The following CMTM4 variants were observed in gnomAD, a reference collection of about 807,000 sequenced individuals.
CMTM4 encodes the protein CKLF-like MARVEL transmembrane domain-containing protein 4.
In CMTM4, 8 loss-of-function variants were observed where a neutral mutation model predicts 19.0. That is an observed-to-expected ratio of 0.42 (90% CI 0.25 to 0.76). The LOEUF (loss-of-function observed/expected upper bound fraction) is 0.76, where lower values mean the gene tolerates loss of function less well. CMTM4 is among the 30% of genes least tolerant of loss of function. The pLI, the probability that CMTM4 is intolerant of heterozygous loss-of-function variation, is 0.27. For synonymous variants in CMTM4, 106 were observed against 121.1 expected (o/e 0.88, Z 0.82); for missense variants, 228 against 290.2 (o/e 0.79, Z 1.56).
intron 1 of CMTM4, among the ~76,000 whole-genome samples, chr16:66,684,583 C>G (rs536478798): frequency 1.3e-4 from 20 of 152,176 alleles, no homozygotes; most frequent in African/African-American, 4.3e-4. Flanking sequence ...AGGCCACACA[C>G]GAGAGGCACT....
intron 1 of CMTM4, among the ~76,000 whole-genome samples, chr16:66,685,269 C>T (rs973445910): frequency 2.0e-5 from 3 of 152,060 alleles, no homozygotes; most frequent in Non-Finnish European, 4.4e-5. Context: ...CAAAGGAATC[C>T]CATGTCATCC....
In CMTM4 at chr16:66,654,297, C is replaced by T. The variant is rs537884378; in HGVS notation, c.187-17716G>A. 3.0e-3 allele frequency among the ~76,000 whole-genome samples: 463 copies of T among 152,246 alleles called. 2 individuals are homozygous for T. Among genetic ancestry groups the T allele is most frequent in the Admixed American group, 7.8e-3 (119 of 15,284 alleles). ...GGGTTCAAATCTGGACCCCAGAACC[C>T]TCTACAGCACTAGGCACTAGTGATC... On this transcript the variant is annotated intron_variant, in intron 1 of 3. Coordinates refer to ENST00000394106, the MANE Select transcript of CMTM4 (RefSeq NM_181521.3).
downstream of CMTM4, chr16:66,609,793 G>C: frequency 1.2e-6 from 2 of 1,613,192 alleles, no homozygotes; most frequent in Non-Finnish European, 1.7e-6. The surrounding 1 kb of genome is among the most constrained non-coding windows in gnomAD (Gnocchi z 4.4). Flanking sequence ...GTTTGTCCAA[G>C]CAGATCTGAA....
downstream of CMTM4, among the ~76,000 whole-genome samples, chr16:66,611,545 T>A (rs2015377268): frequency 6.6e-6 from 1 of 152,048 alleles, no homozygotes; most frequent in African/African-American, 2.4e-5. Context: ...GGGACTAGGC[T>A]GCCCACACCC....
chr16:66,687,021 A>T (rs1360280679), intron 1 of CMTM4, among the ~76,000 whole-genome samples: 2 of 152,096 alleles, frequency 1.3e-5, no homozygotes, highest in African/African-American at 4.8e-5. Context: ...TCTAATTTCT[A>T]ATTTTCTTTA....
downstream of CMTM4, among the ~76,000 whole-genome samples, chr16:66,611,689 G>A (rs1248088042): frequency 6.6e-6 from 1 of 152,054 alleles, no homozygotes; most frequent in Non-Finnish European, 1.5e-5. Context: ...GGGGGTTAGT[G>A]ACTCTGGTGC....
At chr16:66,631,214 G>A (rs1164894559) in intron 2 of CMTM4, among the ~76,000 whole-genome samples, 6 of 130,960 alleles carry the variant, frequency 4.6e-5, no homozygotes, top group Non-Finnish European at 8.0e-5. Context: ...GAGGGAGGTG[G>A]GGGGTCAGCC....
intron 1 of CMTM4, among the ~76,000 whole-genome samples, chr16:66,651,747 T>A (rs967165264): frequency 6.6e-6 from 1 of 152,228 alleles, no homozygotes; most frequent in South Asian, 2.1e-4. Flanking sequence ...GATCTAGCTG[T>A]AGTAATATCT....
chr16:66,687,938 C>T (rs530930867), intron 1 of CMTM4, among the ~76,000 whole-genome samples: 1 of 152,188 alleles, frequency 6.6e-6, no homozygotes, highest in South Asian at 2.1e-4. Flanking sequence ...CTGCCCGCCT[C>T]GGCCTCCCAG....
Position 66,630,054 on chromosome 16 carries a change from G to A in CMTM4, c.363+6351C>T, listed in dbSNP as rs931108889. Among the ~76,000 whole-genome samples the A allele has an allele frequency of 7.9e-5, 12 of 152,204 alleles. No homozygotes were observed. The South Asian group carries it at 2.1e-3, about 26-fold the overall frequency. On this transcript the variant is annotated intron_variant, in intron 2 of 3. Transcript: ENST00000394106. ...AACCTGAGGGGTGGTGGAAACCATCGAATCTGTACTCAGCCAGACAGAAGT... is the reference window on the plus strand; with the variant it reads ...AACCTGAGGGGTGGTGGAAACCATCAAATCTGTACTCAGCCAGACAGAAGT...
chr16:66,666,239 T>A (rs976842790), intron 1 of CMTM4, among the ~76,000 whole-genome samples: 2 of 151,652 alleles, frequency 1.3e-5, no homozygotes, highest in African/African-American at 2.4e-5. Context: ...GATCACAAGG[T>A]CAGGAGATCG....
Position 66,618,738 on chromosome 16 carries a change from G to A in CMTM4, c.*3320C>T. On this transcript the variant is annotated 3_prime_UTR_variant, in exon 4 of 4. Coordinates refer to ENST00000394106, the MANE Select transcript of CMTM4 (RefSeq NM_181521.3). Reference sequence around the variant, plus strand: ...GAACCACAGATGTAACTGCAAACTTGAAGAGAGTCAGAATGTTTTCAACTG... The same window carrying A: ...GAACCACAGATGTAACTGCAAACTTAAAGAGAGTCAGAATGTTTTCAACTG... The A allele has an allele frequency of 1.0e-6, 1 of 985,524 alleles. No individual in the cohort carries two copies. Among genetic ancestry groups the A allele is most frequent in the Non-Finnish European group, 1.2e-6 (1 of 829,964 alleles). 61.0% of individuals were successfully genotyped at this position (985,524 alleles called of 1,614,324 possible). A position where few individuals can be genotyped will look rare whatever the true frequency, so the allele number is the denominator to read the frequency against.
Position 66,617,541 on chromosome 16 carries a change from T to G in CMTM4, c.*4517A>C. The G allele has an allele frequency of 7.3e-7, 1 of 1,373,400 alleles. No individual in the cohort carries two copies. The highest frequency in any genetic ancestry group is 9.4e-7 in the Non-Finnish European group (1 of 1,064,234). 85.1% of individuals were successfully genotyped at this position (1,373,400 alleles called of 1,614,324 possible). ...AGAACATTCACTTTCGGAAGAAAAT[T>G]TTTCTAGACCTAACAGATATTGACG... On this transcript the variant is annotated 3_prime_UTR_variant, in exon 4 of 4. Coordinates refer to ENST00000394106, the MANE Select transcript of CMTM4 (RefSeq NM_181521.3).
chr16:66,694,656 T>C (rs2017198440), intron 1 of CMTM4, among the ~76,000 whole-genome samples: 1 of 137,196 alleles, frequency 7.3e-6, no homozygotes, highest in Non-Finnish European at 1.5e-5. Context: ...GAGGTGGCAG[T>C]GAGCCAAGAT....
chr16:66,649,058 C>T (rs1432799325), intron 1 of CMTM4, among the ~76,000 whole-genome samples: 1 of 152,190 alleles, frequency 6.6e-6, no homozygotes, highest in Non-Finnish European at 1.5e-5. Context: ...ACTGAGGTTG[C>T]TGGGCACAGT....
intron 1 of CMTM4, among the ~76,000 whole-genome samples, chr16:66,665,841 G>A (rs1291946218): frequency 6.7e-6 from 1 of 150,140 alleles, no homozygotes; most frequent in African/African-American, 2.4e-5. Context: ...GGCTGAAGCA[G>A]GTGGATCACT....
chr16:66,619,726 T>C lies in CMTM4; in HGVS notation c.*2332A>G, dbSNP rs1428521368. On this transcript the variant is annotated 3_prime_UTR_variant, in exon 4 of 4. Coordinates refer to ENST00000394106, the MANE Select transcript of CMTM4 (RefSeq NM_181521.3). ...CATTACATCAACTAGAAAGCGTCCA[T>C]AGCACCACTTCCGGTTCTAGTGGGA... is the stretch of plus-strand genomic sequence containing the variant. 9 of 985,264 alleles carry C rather than the reference T, an allele frequency of 9.1e-6. No homozygotes were observed. Among genetic ancestry groups the C allele is most frequent in the Non-Finnish European group, 1.1e-5 (9 of 829,930 alleles). The allele number at this position is 985,264 out of a possible 1,614,324, so 61.0% of individuals were successfully genotyped here.
At position 66,642,396 on chromosome 16, in the gene CMTM4, C is replaced by A. The variant is rs996230967; in HGVS notation, c.187-5815G>T. ...TTTCCAGGTGGCAACTACAAACTGA[C>A]CAGAGTAAATATTTTAATATTTGAT... On this transcript the variant is annotated intron_variant, in intron 1 of 3. Coordinates refer to ENST00000394106, the MANE Select transcript of CMTM4 (RefSeq NM_181521.3). 2.6e-5 allele frequency among the ~76,000 whole-genome samples: 4 copies of A among 152,210 alleles called. No individual in the cohort carries two copies. The East Asian group carries it at 7.7e-4, about 29-fold the overall frequency.
At chr16:66,684,622 A>C (rs2017000858) in intron 1 of CMTM4, among the ~76,000 whole-genome samples, 1 of 152,048 alleles carries the variant, frequency 6.6e-6, no homozygotes, top group Non-Finnish European at 1.5e-5. Context: ...CCCCCAACCC[A>C]CTGCTTTAAG....
Sources: allele counts gnomAD v4.1 joint callset (sites outside exome capture counted in the v4.1 genomes callset), GRCh38; gene constraint gnomAD v4.1.1; non-coding constraint Gnocchi (gnomAD v3.1); transcripts MANE v1.5; gene names NCBI Gene and HGNC (gene_info 2026-07-23, HGNC 2026-07-21).